The following IGSF9B variants were observed in gnomAD, a reference collection of about 807,000 sequenced individuals.
IGSF9B encodes the protein protein turtle homolog B.
IGSF9B carries 48 observed loss-of-function variants against 143.7 expected under a neutral mutation model. The observed-to-expected ratio is 0.33, with a 90% CI of 0.26 to 0.42. The LOEUF (loss-of-function observed/expected upper bound fraction) is 0.42. Ranked by LOEUF, IGSF9B falls within the 20% of genes least tolerant of loss-of-function variation. The probability of loss-of-function intolerance (pLI) is 1.00; values close to 1 mark genes in which losing one functional copy is unlikely to be tolerated. For synonymous variants in IGSF9B, 903 were observed against 833.1 expected (o/e 1.08, Z -1.44); for missense variants, 1,706 against 1,980.0 (o/e 0.86, Z 2.63).
Position 133,924,915 on chromosome 11 carries a change from A to G in IGSF9B, c.2035-11T>C. 6.2e-7 allele frequency: 1 copy of G among 1,612,368 alleles called. No homozygotes were observed. Among genetic ancestry groups the G allele is most frequent in the Non-Finnish European group, 8.5e-7 (1 of 1,178,998 alleles). ...CTCATACCACGTGTCCTGCAGCCCCAGGGACAATACCCAGTCAGCCGAGGG... is the reference window on the plus strand; with the variant it reads ...CTCATACCACGTGTCCTGCAGCCCCGGGGACAATACCCAGTCAGCCGAGGG... On this transcript the variant is annotated splice_polypyrimidine_tract_variant and intron_variant, in intron 14 of 19. Transcript: ENST00000533871.
At position 133,956,693 on chromosome 11, in the gene IGSF9B, T is replaced by G. The variant is rs1234547034; in HGVS notation, c.62A>C (p.Glu21Ala). ...SVIGTRGLAAEGAHGLREEPE... is the reference protein window; with the variant it reads ...SVIGTRGLAAAGAHGLREEPE... ...AGGGACGCCGCACTTCAACTCACCT[T>G]CAGCCGCAAGCCCTCGGGTGCCGAT... Residue 21 changes from glutamate (E) to alanine (A), a missense_variant and splice_region_variant, in exon 1 of 20, where the codon GAA (glutamate) becomes GCA (alanine). Glu to Ala is a moderately radical substitution (Grantham distance 107). Coordinates refer to ENST00000533871, the MANE Select transcript of IGSF9B (RefSeq NM_001277285.4). The G allele has an allele frequency of 1.3e-6, 2 of 1,544,692 alleles. No homozygotes were observed.
chr11:133,924,927 C>T (rs755994500), intron 14 of IGSF9B, 23 bp from the exon 15 acceptor site: 2 of 1,608,178 alleles, frequency 1.2e-6, no homozygotes, highest in East Asian at 2.2e-5. Context: ...GGACAATACC[C>T]AGTCAGCCGA....
rs753291865 is a variant in IGSF9B, at chr11:133,921,141, G to A, written c.2584C>T (p.Pro862Ser). ...TTCAGCGAGGGCTCCATCTCGGCAG[G>A]GTCCATCACGAAGCGGCCGTCAGGG... The part of the protein sequence containing the change: ...RGPDGRFVMD[P>S]AEMEPSLKSR... The change falls in exon 18 of 20, where the codon CCT becomes TCT. Residue 862 changes from proline (P) to serine (S), a missense_variant. This residue lies in a region of IGSF9B where 135 missense variants were observed against 181.3 expected (regional missense o/e 0.74). Transcript: ENST00000533871. 5.6e-6 allele frequency: 9 copies of A among 1,613,264 alleles called. No individual in the cohort carries two copies. The South Asian group carries it at 9.9e-5, about 18-fold the overall frequency.
Position 133,931,352 on chromosome 11 carries a change from T to G in IGSF9B, c.1368+101A>C, listed in dbSNP as rs530619776. On this transcript the variant is annotated intron_variant, in intron 10 of 19. Transcript: ENST00000533871. This position sits in a 1 kb window ranked among gnomAD's most constrained non-coding sequence, Gnocchi z 7.7. ...GCTCGCTGGGCCCTCACACCTCCCC[T>G]CAGCCCCGGGGCTCGCTGGGCCCTC... The G allele has an allele frequency of 7.7e-6, 7 of 914,866 alleles. No homozygotes were observed. In the South Asian group the frequency reaches 1.1e-4, roughly 15 times the overall value. The allele number at this position is 914,866 out of a possible 1,614,324, so 56.7% of individuals were successfully genotyped here. A position where few individuals can be genotyped will look rare whatever the true frequency, so the allele number is the denominator to read the frequency against.
chr11:133,931,622 C>T lies in IGSF9B; in HGVS notation c.1251+33G>A. 1.2e-6 allele frequency: 2 copies of T among 1,607,996 alleles called. No homozygotes were observed. The highest frequency in any genetic ancestry group is 1.7e-6 in the Non-Finnish European group (2 of 1,176,144). On this transcript the variant is annotated intron_variant, in intron 9 of 19. Transcript: ENST00000533871. The surrounding 1 kb of genome is among the most constrained non-coding windows in gnomAD (Gnocchi z 7.7). ...TGAGGCCGGGGATCCAGGTGCCCAGCTCATGGAGGCCGTCACAGCCCTGGG... is the reference window on the plus strand; with the variant it reads ...TGAGGCCGGGGATCCAGGTGCCCAGTTCATGGAGGCCGTCACAGCCCTGGG...
intron 1 of IGSF9B, chr11:133,951,992 A>C (rs1276196144): frequency 2.2e-6 from 1 of 451,616 alleles, no homozygotes; most frequent in Non-Finnish European, 4.5e-6. Flanking sequence ...GGGGGCACAC[A>C]CGACCAGGAG....
At chr11:133,917,635 A>G (rs1353826972) in intron 18 of IGSF9B, among the ~76,000 whole-genome samples, 1 of 152,048 alleles carries the variant, frequency 6.6e-6, no homozygotes, top group Non-Finnish European at 1.5e-5. Flanking sequence ...GAGTGATGAC[A>G]TTTCGCTACA....
Position 133,948,617 on chromosome 11 carries a change from CTGTGTGTGTGTGTGTGTGTGTG to C in IGSF9B, c.65-2381_65-2360del, listed in dbSNP as rs59414581. Among the ~76,000 whole-genome samples, 2 of 140,898 alleles carry C rather than the reference CTGTGTGTGTGTGTGTGTGTGTG, an allele frequency of 1.4e-5. No individual in the cohort carries two copies. Among genetic ancestry groups the C allele is most frequent in the Admixed American group, 7.0e-5 (1 of 14,336 alleles). 92.4% of individuals were successfully genotyped at this position (140,898 alleles called of 152,430 possible). A position where few individuals can be genotyped will look rare whatever the true frequency, so the allele number is the denominator to read the frequency against. Reference sequence around the variant, plus strand: ...TGGGTGCCATGAGTTTGCAGAGAAGCTGTGTGTGTGTGTGTGTGTGTGTGTGTGTGTGTGTGTGTGTGTGTGT... The same window carrying C: ...TGGGTGCCATGAGTTTGCAGAGAAGCTGTGTGTGTGTGTGTGTGTGTGTGT... On this transcript the variant is annotated intron_variant, in intron 1 of 19. Transcript: ENST00000533871. This position sits in a 1 kb window ranked among gnomAD's most constrained non-coding sequence, Gnocchi z 4.7.
chr11:133,936,073 G>A lies in IGSF9B; in HGVS notation c.801C>T (p.Asp267=), dbSNP rs748533565. The change falls in exon 6 of 20, where the codon GAC becomes GAT. Residue 267 remains aspartate, a synonymous_variant. Coordinates refer to ENST00000533871, the MANE Select transcript of IGSF9B (RefSeq NM_001277285.4). The stretch of plus-strand genomic sequence containing the variant: ...CTCACTTCTGAAAGTAGACGTTCTC[G>A]TCCTGCCAGTACCAGGTGTAGGTGA... ...GNLTYTWYWQ[D]ENVYFQNDLK... is the part of the protein sequence containing the mutation. The A allele has an allele frequency of 2.9e-5, 46 of 1,613,512 alleles. No individual in the cohort carries two copies. The highest frequency in any genetic ancestry group is 3.3e-5 in the Admixed American group (2 of 59,942).
At chr11:133,924,740 A>G (rs2121298615) in intron 15 of IGSF9B, 80 bp downstream of exon 15, 5 of 1,133,416 alleles carry the variant, frequency 4.4e-6, no homozygotes, top group Non-Finnish European at 6.6e-6. Flanking sequence ...CTCGTGGAGT[A>G]GCCATTTCAC....
rs764031023 is a variant in IGSF9B at position 133,931,582 on chromosome 11, G to C, written c.1252-13C>G. On this transcript the variant is annotated splice_polypyrimidine_tract_variant and intron_variant, in intron 9 of 19. Coordinates refer to ENST00000533871, the MANE Select transcript of IGSF9B (RefSeq NM_001277285.4). This position sits in a 1 kb window ranked among gnomAD's most constrained non-coding sequence, Gnocchi z 7.7. ...AATAGGGGGGGTCCTGGGGAGGAAAGCACAGGCACCCTCGTGAGGCCGGGG... is the reference window on the plus strand; with the variant it reads ...AATAGGGGGGGTCCTGGGGAGGAAACCACAGGCACCCTCGTGAGGCCGGGG... 3 of 1,612,660 alleles carry C rather than the reference G, an allele frequency of 1.9e-6. No individual in the cohort carries two copies. The highest frequency in any genetic ancestry group is 2.5e-6 in the Non-Finnish European group (3 of 1,179,314).
chr11:133,900,248 C>T lies in IGSF9B; in HGVS notation c.*8821G>A, dbSNP rs553870439. Reference sequence around the variant, plus strand: ...TTGGTTAGGAAAGGGGTTAGTACTGCCCTTTTCTGAGTGATGAGCAGGAAT... The same window carrying T: ...TTGGTTAGGAAAGGGGTTAGTACTGTCCTTTTCTGAGTGATGAGCAGGAAT... On this transcript the variant is annotated 3_prime_UTR_variant, in exon 20 of 20. Transcript: ENST00000533871. The T allele has an allele frequency of 6.5e-6, 1 of 152,672 alleles. No individual in the cohort carries two copies. The highest frequency in any genetic ancestry group is 2.1e-4 in the South Asian group (1 of 4,806). The allele number at this position is 152,672 out of a possible 1,614,324, so 9.5% of individuals were successfully genotyped here. A position where few individuals can be genotyped will look rare whatever the true frequency, so the allele number is the denominator to read the frequency against.
At chr11:133,947,824 C>T (rs1246397438) in intron 1 of IGSF9B, among the ~76,000 whole-genome samples, 1 of 151,758 alleles carries the variant, frequency 6.6e-6, no homozygotes. Flanking sequence ...TTCTCTGGAT[C>T]TCTGTTTGTC....
chr11:133,930,914 C>A lies in IGSF9B; in HGVS notation c.1519+70G>T, dbSNP rs1939713927. ...AGCGGCCACCAGGGGACGCTCCCAG[C>A]GTCCAGCACCCCGCCCCCAGCCAGC... On this transcript the variant is annotated intron_variant, in intron 11 of 19. Coordinates refer to ENST00000533871, the MANE Select transcript of IGSF9B (RefSeq NM_001277285.4). 3.4e-6 allele frequency: 5 copies of A among 1,450,572 alleles called. No homozygotes were observed. The East Asian group carries it at 7.4e-5, about 21-fold the overall frequency. The allele number at this position is 1,450,572 out of a possible 1,614,324, so 89.9% of individuals were successfully genotyped here.
In IGSF9B at chr11:133,917,838, G is replaced by A. The variant is rs549725885; in HGVS notation, c.3983+1904C>T. Among the ~76,000 whole-genome samples, 6 of 152,170 alleles carry A rather than the reference G, an allele frequency of 3.9e-5. No homozygotes were observed. The South Asian group carries it at 1.2e-3, about 32-fold the overall frequency. On this transcript the variant is annotated intron_variant, in intron 18 of 19. Coordinates refer to ENST00000533871, the MANE Select transcript of IGSF9B (RefSeq NM_001277285.4). ...CTGCTGGGAGAATAGGGTGCGGGGG[G>A]GCTCTTCCTGGATACCAGAGGGGCC...
chr11:133,931,856 G>T lies in IGSF9B; in HGVS notation c.1111-61C>A. 2 of 1,588,584 alleles carry T rather than the reference G, an allele frequency of 1.3e-6. No individual in the cohort carries two copies. Among genetic ancestry groups the T allele is most frequent in the Non-Finnish European group, 1.7e-6 (2 of 1,170,828 alleles). On this transcript the variant is annotated intron_variant, in intron 8 of 19. Transcript: ENST00000533871. This position sits in a 1 kb window ranked among gnomAD's most constrained non-coding sequence, Gnocchi z 7.7. ...TCAGAGACTCCGCGCTCCATCCCAG[G>T]CTGGGTCCCAGCTGGGCCAGGCAGC...
In IGSF9B at chr11:133,921,357, G is replaced by C; in HGVS notation, c.2368C>G (p.Leu790Val). 1 of 1,560,826 alleles carries C rather than the reference G, an allele frequency of 6.4e-7. No individual in the cohort carries two copies. Among genetic ancestry groups the C allele is most frequent in the Non-Finnish European group, 8.7e-7 (1 of 1,153,224 alleles). The change falls in exon 18 of 20, where the codon CTC (leucine) becomes GTC (valine). Residue 790 changes from leucine to valine, a missense_variant. Coordinates refer to ENST00000533871, the MANE Select transcript of IGSF9B (RefSeq NM_001277285.4). ...TCGGAGGATTCTGACGGCGCTCGGA[G>C]CGTGCGGATGCTCTCGGGGCTCACC... is the stretch of plus-strand genomic sequence containing the variant. ...GKVSPESIRT[L>V]RAPSESSDDQ...
chr11:133,918,888 C>T (rs1247129041), intron 18 of IGSF9B: 3 of 443,152 alleles, frequency 6.8e-6, no homozygotes, highest in South Asian at 4.8e-5. Context: ...AACCCAAAGG[C>T]GATGGTGAGG....
intron 1 of IGSF9B, among the ~76,000 whole-genome samples, chr11:133,950,963 T>C (rs1940147409): frequency 6.6e-6 from 1 of 151,982 alleles, no homozygotes; most frequent in Non-Finnish European, 1.5e-5. Context: ...GCCACCTCCA[T>C]CTGCCAGCCT....
Sources: gnomAD v4.1 joint callset for allele counts (sites outside exome capture counted in the v4.1 genomes callset) on GRCh38, gnomAD v4.1.1 for gene constraint, gnomAD v4.1.1 regional missense constraint, Gnocchi (gnomAD v3.1) non-coding constraint, MANE v1.5 for transcripts, NCBI Gene and HGNC (gene_info 2026-07-23, HGNC 2026-07-21) for gene names.